The following TMEM200A variants were observed in gnomAD, a reference collection of about 807,000 sequenced individuals.
TMEM200A encodes two transmembrane C.
Under a neutral mutation model 24.3 loss-of-function variants are expected in TMEM200A, and 12 were observed. The observed-to-expected ratio is 0.49, with a 90% CI of 0.32 to 0.80. TMEM200A has a LOEUF of 0.80. Among genes scored for constraint, TMEM200A ranks in the 30% least tolerant of loss-of-function variants. TMEM200A has a pLI of 0.04. For missense variants in TMEM200A, 545 were observed against 614.4 expected, an observed-to-expected ratio of 0.89 and a Z score of 1.19; for synonymous variants, 224 against 224.4, an observed-to-expected ratio of 1.00 and a Z score of 0.02.
upstream of TMEM200A, chr6:130,365,553 G>C (rs1778114472): frequency 1.0e-6 from 1 of 985,264 alleles, no homozygotes; most frequent in Non-Finnish European, 1.2e-6. Flanking sequence ...TGCCTGCTCC[G>C]GGAATACTGC....
chr6:130,391,730 CCTTT>C (rs1778835800), intron 2 of TMEM200A, among the ~76,000 whole-genome samples: 12 of 127,552 alleles, frequency 9.4e-5, no homozygotes, highest in Admixed American at 5.9e-4. Context: ...CTTCAAGATT[CCTTT>C]TTTTTTTTTT....
At chr6:130,419,125 G>A (rs1026506617) in intron 2 of TMEM200A, among the ~76,000 whole-genome samples, 1 of 152,100 alleles carries the variant, frequency 6.6e-6, no homozygotes, top group South Asian at 2.1e-4. Flanking sequence ...CTACCTCTGT[G>A]AGATCCAATT....
chr6:130,414,192 G>A (rs1254824205), intron 2 of TMEM200A, among the ~76,000 whole-genome samples: 2 of 152,078 alleles, frequency 1.3e-5, no homozygotes, highest in African/African-American at 4.8e-5. Context: ...AGCACTTTAG[G>A]AGCCTGAAGT....
intron 2 of TMEM200A, among the ~76,000 whole-genome samples, chr6:130,402,126 A>C (rs1376935886): frequency 6.6e-6 from 1 of 151,950 alleles, no homozygotes; most frequent in Non-Finnish European, 1.5e-5. Flanking sequence ...TACAAAACTC[A>C]AAAGAATGAA....
At chr6:130,378,662 G>T (rs1414268131) in intron 1 of TMEM200A, among the ~76,000 whole-genome samples, 1 of 150,324 alleles carries the variant, frequency 6.7e-6, no homozygotes, top group Non-Finnish European at 1.5e-5. Flanking sequence ...GGTGGATGTT[G>T]CAGTGAGCCA....
chr6:130,372,584 G>A (rs927466468), intron 1 of TMEM200A, among the ~76,000 whole-genome samples: 15 of 152,144 alleles, frequency 9.9e-5, no homozygotes, highest in South Asian at 2.1e-4. Flanking sequence ...GAGGACACTC[G>A]CTAGCACATG....
At chr6:130,387,493 GA>G (rs1269450271) in intron 2 of TMEM200A, among the ~76,000 whole-genome samples, 1 of 152,116 alleles carries the variant, frequency 6.6e-6, no homozygotes, top group African/African-American at 2.4e-5. Flanking sequence ...GGCTGGTCTC[GA>G]ACTCCTGATC....
chr6:130,377,548 G>A lies in TMEM200A; in HGVS notation c.-80-7625G>A, dbSNP rs867086567. Among the ~76,000 whole-genome samples the A allele has an allele frequency of 5.9e-5, 9 of 152,210 alleles. No individual in the cohort carries two copies. In the Middle Eastern group the frequency reaches 0.01, roughly 173 times the overall value. ...CCTTCTTTATCCTCCTGCATGTGGG[G>A]CTGCATATTGACTCATTGACTTCAG... is the stretch of plus-strand genomic sequence containing the variant. On this transcript the variant is annotated intron_variant, in intron 1 of 2. Transcript: ENST00000296978.
chr6:130,399,002 G>A (rs1779020322), intron 2 of TMEM200A, among the ~76,000 whole-genome samples: 2 of 151,738 alleles, frequency 1.3e-5, no homozygotes, highest in Non-Finnish European at 2.9e-5. Context: ...CACAATCTTA[G>A]TTTGTCTGAA....
intron 2 of TMEM200A, among the ~76,000 whole-genome samples, chr6:130,422,427 C>T (rs1186313719): frequency 6.6e-6 from 1 of 152,062 alleles, no homozygotes; most frequent in African/African-American, 2.4e-5. Flanking sequence ...TGCCACCACA[C>T]CCAGCTAATT....
chr6:130,370,842 G>A (rs1778305544), intron 1 of TMEM200A, among the ~76,000 whole-genome samples: 1 of 152,244 alleles, frequency 6.6e-6, no homozygotes, highest in African/African-American at 2.4e-5. Flanking sequence ...TAGTGATGAT[G>A]AGATTGGATA....
At chr6:130,402,894 T>A (rs927202221) in intron 2 of TMEM200A, among the ~76,000 whole-genome samples, 6 of 152,142 alleles carry the variant, frequency 3.9e-5, no homozygotes, top group African/African-American at 1.4e-4. Flanking sequence ...TGTAAAAATG[T>A]AGCCTCTTTA....
chr6:130,370,854 C>G (rs940070698), intron 1 of TMEM200A, among the ~76,000 whole-genome samples: 1 of 152,022 alleles, frequency 6.6e-6, no homozygotes, highest in African/African-American at 2.4e-5. Flanking sequence ...GATTGGATAC[C>G]CCCTACTTTG....
chr6:130,393,303 A>G (rs994270220), intron 2 of TMEM200A, among the ~76,000 whole-genome samples: 1 of 152,192 alleles, frequency 6.6e-6, no homozygotes, highest in Non-Finnish European at 1.5e-5. Context: ...TTGATCTTGT[A>G]AGGGAGAAAT....
At chr6:130,386,003 T>C (rs1360998115) in intron 2 of TMEM200A, among the ~76,000 whole-genome samples, 13 of 152,230 alleles carry the variant, frequency 8.5e-5, no homozygotes, top group Non-Finnish European at 2.9e-5. Context: ...AAACTTCAAT[T>C]ATCTAGAATT....
intron 1 of TMEM200A, among the ~76,000 whole-genome samples, chr6:130,383,384 T>C (rs775065293): frequency 7.9e-5 from 12 of 152,174 alleles, no homozygotes; most frequent in African/African-American, 1.4e-4. Flanking sequence ...CAGGGGATAA[T>C]CTGCTCCCAT....
At chr6:130,406,354 A>G (rs935468214) in intron 2 of TMEM200A, among the ~76,000 whole-genome samples, 1 of 152,096 alleles carries the variant, frequency 6.6e-6, no homozygotes, top group African/African-American at 2.4e-5. Context: ...CCCTCCTCCC[A>G]CATTCCCCTA....
At chr6:130,367,795 TA>T (rs1290118535) in intron 1 of TMEM200A, among the ~76,000 whole-genome samples, 1 of 152,190 alleles carries the variant, frequency 6.6e-6, no homozygotes. Context: ...TTTTTTACTG[TA>T]AAAAACACAC....
chr6:130,384,925 T>C (rs1778678801), intron 1 of TMEM200A, among the ~76,000 whole-genome samples: 1 of 152,202 alleles, frequency 6.6e-6, no homozygotes, highest in Admixed American at 6.5e-5. Context: ...AATTTACATT[T>C]GGAGTACATT....
Sources: allele counts gnomAD v4.1 joint callset (sites outside exome capture counted in the v4.1 genomes callset), GRCh38; gene constraint gnomAD v4.1.1; transcripts MANE v1.5; gene names NCBI Gene and HGNC (gene_info 2026-07-23, HGNC 2026-07-21).